Variants in WFDC1 observed in about 807,000 individuals in gnomAD.
The protein encoded by WFDC1 is WAP four-disulfide core domain 1.
A neutral mutation model predicts 32.9 loss-of-function variants in WFDC1; 39 were observed. The observed-to-expected ratio is 1.19, with a 90% CI of 0.92 to 1.55. The LOEUF is 1.55. Among genes scored for constraint, WFDC1 ranks in the 40% most tolerant of loss-of-function variants. WFDC1 has a pLI of 0.00. For synonymous variants in WFDC1, 184 were observed against 137.4 expected, an observed-to-expected ratio of 1.34 and a Z score of -2.37; for missense variants, 386 against 309.5, an observed-to-expected ratio of 1.25 and a Z score of -1.85.
chr16:84,323,163 G>A (rs1597694384), intron 4 of WFDC1, among the ~76,000 whole-genome samples: 1 of 152,304 alleles, frequency 6.6e-6, no homozygotes, highest in Non-Finnish European at 1.5e-5. Flanking sequence ...CTGATCAGCA[G>A]GCGCTGACCC....
intron 3 of WFDC1, 77 bp from the exon 4 acceptor site, chr16:84,319,354 T>G: frequency 2.6e-6 from 4 of 1,553,036 alleles, no homozygotes; most frequent in Middle Eastern, 1.7e-4. Context: ...GTCCCGGGAG[T>G]CTGCCTTCTA....
rs1383910685 is a variant in WFDC1 at position 84,329,761 on chromosome 16, C to T, written c.*455C>T. Reference sequence around the variant, plus strand: ...GAACTTGCTTACTAATGTGTGATTCCTAGTTGTAGCCACCGGATGTGCTGA... The same window carrying T: ...GAACTTGCTTACTAATGTGTGATTCTTAGTTGTAGCCACCGGATGTGCTGA... On this transcript the variant is annotated 3_prime_UTR_variant, in exon 7 of 7. Coordinates refer to ENST00000219454, the MANE Select transcript of WFDC1 (RefSeq NM_021197.4). 6.6e-6 allele frequency: 1 copy of T among 152,296 alleles called. No individual in the cohort carries two copies. The highest frequency in any genetic ancestry group is 1.9e-4 in the East Asian group (1 of 5,192). The allele number at this position is 152,296 out of a possible 1,614,324, so 9.4% of individuals were successfully genotyped here.
At position 84,318,356 on chromosome 16, in the gene WFDC1, G is replaced by T. The variant is rs199595592; in HGVS notation, c.421+1G>T. 33 of 1,613,840 alleles carry T rather than the reference G, an allele frequency of 2.0e-5. No individual in the cohort carries two copies. The highest frequency in any genetic ancestry group is 2.6e-5 in the Non-Finnish European group (31 of 1,179,910). ...GATGGCCCTGAGGAGGTGTTACAAG[G>T]TACCTGCCGGGTAAAGCCCAGACCC... On this transcript the variant is annotated splice_donor_variant, in intron 3 of 6. Transcript: ENST00000219454. LOFTEE classifies it high-confidence loss of function.
At position 84,325,437 on chromosome 16, in the gene WFDC1, A is replaced by G. The variant is rs898236450; in HGVS notation, c.604+977A>G. Among the ~76,000 whole-genome samples the G allele has an allele frequency of 2.0e-5, 3 of 152,048 alleles. No homozygotes were observed. The South Asian group carries it at 6.2e-4, about 32-fold the overall frequency. ...AGGCTGGTCTTAAACTCCTGACCTC[A>G]GGTGATCTGCCCGCCTCGGCCTCCC... On this transcript the variant is annotated intron_variant, in intron 5 of 6. Coordinates refer to ENST00000219454, the MANE Select transcript of WFDC1 (RefSeq NM_021197.4).
At chr16:84,312,549 CAT>C (rs761874385) in intron 1 of WFDC1, among the ~76,000 whole-genome samples, 40 of 152,200 alleles carry the variant, frequency 2.6e-4, no homozygotes, top group African/African-American at 8.2e-4. Context: ...GAAATCCACA[CAT>C]ATGTACATAT....
chr16:84,325,230 T>C (rs971063775), intron 5 of WFDC1, among the ~76,000 whole-genome samples: 2 of 145,826 alleles, frequency 1.4e-5, no homozygotes, highest in African/African-American at 5.1e-5. Flanking sequence ...TGAGATGGAG[T>C]CTCACTCTGT....
intron 4 of WFDC1, among the ~76,000 whole-genome samples, chr16:84,320,787 C>T (rs1354392990): frequency 6.6e-6 from 1 of 152,112 alleles, no homozygotes; most frequent in Non-Finnish European, 1.5e-5. Flanking sequence ...AAGGACAGGA[C>T]CCTCAGACAA....
At chr16:84,329,071 A>C (rs1908770743) in intron 6 of WFDC1, 1 of 152,226 alleles carries the variant, frequency 6.6e-6, no homozygotes, top group Non-Finnish European at 1.5e-5. Context: ...CTCATCTATA[A>C]AATGGAACTG....
intron 1 of WFDC1, among the ~76,000 whole-genome samples, chr16:84,306,644 G>T (rs780146864): frequency 6.6e-6 from 1 of 152,196 alleles, no homozygotes; most frequent in Admixed American, 6.5e-5. Context: ...CACCTGTGCA[G>T]GACCCCTGCT....
intron 1 of WFDC1, among the ~76,000 whole-genome samples, chr16:84,302,609 C>T (rs1417976579): frequency 6.6e-6 from 1 of 152,182 alleles, no homozygotes; most frequent in Non-Finnish European, 1.5e-5. Flanking sequence ...TAAATGTTTA[C>T]ATAAGAGCCC....
intron 4 of WFDC1, among the ~76,000 whole-genome samples, chr16:84,320,326 T>C (rs1377910360): frequency 6.6e-6 from 1 of 152,218 alleles, no homozygotes; most frequent in Non-Finnish European, 1.5e-5. Context: ...GTAGGGGGTA[T>C]ATCAGTACAT....
In WFDC1 at chr16:84,311,384, A is replaced by ATTTTTTTTTTTTTT. The variant is rs747950638; in HGVS notation, c.145-1569_145-1568insTTTTTTTTTTTTTT. Among the ~76,000 whole-genome samples the ATTTTTTTTTTTTTT allele has an allele frequency of 1.0e-4, 12 of 118,296 alleles. 1 individual carries two copies. Among genetic ancestry groups the ATTTTTTTTTTTTTT allele is most frequent in the African/African-American group, 1.6e-4 (5 of 31,826 alleles). The allele number at this position is 118,296 out of a possible 152,430, so 77.6% of individuals were successfully genotyped here. A position where few individuals can be genotyped will look rare whatever the true frequency, so the allele number is the denominator to read the frequency against. ...AGGTGCTCGCCACCACGCCCGGCTA[A>ATTTTTTTTTTTTTT]TTTTTTTTCTTTTTTTTGTATTTTT... On this transcript the variant is annotated intron_variant, in intron 1 of 6. Transcript: ENST00000219454.
At chr16:84,307,977 T>TG (rs1469933512) in intron 1 of WFDC1, among the ~76,000 whole-genome samples, 1 of 152,184 alleles carries the variant, frequency 6.6e-6, no homozygotes. Flanking sequence ...CCTCTGTCTT[T>TG]GGGGAAAACC....
chr16:84,302,331 G>A (rs1053939002), intron 1 of WFDC1, among the ~76,000 whole-genome samples: 3 of 152,096 alleles, frequency 2.0e-5, no homozygotes, highest in African/African-American at 4.8e-5. Flanking sequence ...CCGCCAACTC[G>A]CACACTTAAG....
chr16:84,320,683 G>C (rs1408028026), intron 4 of WFDC1, among the ~76,000 whole-genome samples: 2 of 152,182 alleles, frequency 1.3e-5, no homozygotes, highest in African/African-American at 4.8e-5. Context: ...CTTCAGGGTG[G>C]CCAGGTTCAC....
At chr16:84,299,891 G>T (rs961573737) in intron 1 of WFDC1, among the ~76,000 whole-genome samples, 1 of 151,650 alleles carries the variant, frequency 6.6e-6, no homozygotes, top group South Asian at 2.1e-4. Context: ...TGCCAGACGG[G>T]GGGAGGGAGG....
At chr16:84,310,999 C>T (rs997572297) in intron 1 of WFDC1, among the ~76,000 whole-genome samples, 1 of 152,160 alleles carries the variant, frequency 6.6e-6, no homozygotes, top group Non-Finnish European at 1.5e-5. Context: ...CAGCGCAAGC[C>T]AGGGTGGTTT....
At chr16:84,321,989 T>C (rs1430812468) in intron 4 of WFDC1, among the ~76,000 whole-genome samples, 6 of 152,154 alleles carry the variant, frequency 3.9e-5, no homozygotes, top group Non-Finnish European at 7.3e-5. Context: ...ACGTATGAAG[T>C]GCTTAGAATA....
intron 2 of WFDC1, among the ~76,000 whole-genome samples, chr16:84,315,561 T>C (rs905868509): frequency 3.3e-5 from 5 of 152,228 alleles, no homozygotes; most frequent in African/African-American, 9.6e-5. Flanking sequence ...TAACACCAGA[T>C]TTCACAATCT....
Sources: gnomAD v4.1 joint callset for allele counts (sites outside exome capture counted in the v4.1 genomes callset) on GRCh38, gnomAD v4.1.1 for gene constraint, MANE v1.5 for transcripts, NCBI Gene and HGNC (gene_info 2026-07-23, HGNC 2026-07-21) for gene names.